The following APP variants were observed in gnomAD, a reference collection of about 807,000 sequenced individuals.
APP encodes amyloid beta precursor protein, also known as amyloid-beta precursor protein.
Under a neutral mutation model 101.4 loss-of-function variants are expected in APP, and 31 were observed. The observed-to-expected ratio is 0.31, with a 90% CI of 0.23 to 0.41. The LOEUF (loss-of-function observed/expected upper bound fraction) is 0.41, where lower values mean the gene tolerates loss of function less well. Among genes scored for constraint, APP ranks in the 10% least tolerant of loss-of-function variants. The pLI is 1.00. For missense variants in APP, 839 were observed against 1,003.7 expected, an observed-to-expected ratio of 0.84 and a Z score of 2.22; for synonymous variants, 366 against 364.4, an observed-to-expected ratio of 1.00 and a Z score of -0.05.
intron 13 of APP, among the ~76,000 whole-genome samples, chr21:25,935,972 G>A (rs535932953): frequency 6.6e-6 from 1 of 151,990 alleles, no homozygotes; most frequent in East Asian, 1.9e-4. Context: ...TCGTTTTAAT[G>A]CCTTAGGTGC....
At chr21:26,109,431 G>A (rs1358570654) in intron 2 of APP, among the ~76,000 whole-genome samples, 1 of 152,136 alleles carries the variant, frequency 6.6e-6, no homozygotes, top group Non-Finnish European at 1.5e-5. Flanking sequence ...TCTCTTTCTT[G>A]CTCTGGCCAT....
intron 5 of APP, among the ~76,000 whole-genome samples, chr21:26,050,488 G>C (rs762653805): frequency 3.3e-5 from 5 of 151,798 alleles, no homozygotes; most frequent in Non-Finnish European, 7.4e-5. Flanking sequence ...ATCAAAGGTA[G>C]TTAAAAAAAA....
At chr21:26,170,842 G>A, upstream of APP, 1 of 475,084 alleles carries the variant, frequency 2.1e-6, no homozygotes, top group Non-Finnish European at 3.6e-6. Flanking sequence ...CTCGGCACCC[G>A]AGAGAGACCC....
chr21:25,947,768 C>A (rs2040886745), intron 13 of APP, among the ~76,000 whole-genome samples: 1 of 151,934 alleles, frequency 6.6e-6, no homozygotes, highest in East Asian at 1.9e-4. Flanking sequence ...TTTGGGGGGC[C>A]AAGATGGGCA....
At position 25,972,742 on chromosome 21, in the gene APP, T is replaced by C. The variant is rs115681121; in HGVS notation, c.1458+2328A>G. Among the ~76,000 whole-genome samples, 809 of 151,884 alleles carry C rather than the reference T, an allele frequency of 5.3e-3. 8 individuals carry two copies. The highest frequency in any genetic ancestry group is 0.019 in the African/African-American group (783 of 41,402). The stretch of plus-strand genomic sequence containing the variant: ...GGAAATCTCTCAGGCAGAAGGAAAA[T>C]GATACCAGCTGGATCTGCGCAAAGA... On this transcript the variant is annotated intron_variant, in intron 11 of 17. Coordinates refer to ENST00000346798, the MANE Select transcript of APP (RefSeq NM_000484.4).
At chr21:25,886,612 C>T (rs561385112) in intron 17 of APP, among the ~76,000 whole-genome samples, 2 of 152,234 alleles carry the variant, frequency 1.3e-5, no homozygotes, top group African/African-American at 4.8e-5. Flanking sequence ...CCAGGCTGGA[C>T]TCGAACTCCT....
chr21:26,046,537 T>G (rs1336886806), intron 5 of APP, among the ~76,000 whole-genome samples: 1 of 151,510 alleles, frequency 6.6e-6, no homozygotes, highest in Non-Finnish European at 1.5e-5. Context: ...AAAAAAAATG[T>G]TCAAAGAAAT....
intron 3 of APP, among the ~76,000 whole-genome samples, chr21:26,057,195 T>C (rs375565653): frequency 1.3e-5 from 2 of 152,214 alleles, no homozygotes; most frequent in East Asian, 3.9e-4. Context: ...CAGCCACGTA[T>C]ACCTTATTTT....
chr21:25,976,298 T>C (rs567711610), intron 9 of APP, among the ~76,000 whole-genome samples: 4 of 152,092 alleles, frequency 2.6e-5, no homozygotes, highest in Admixed American at 1.3e-4. Flanking sequence ...CCCCGAGAAC[T>C]GACAGTCATT....
At chr21:26,005,577 G>T (rs1200565897) in intron 6 of APP, among the ~76,000 whole-genome samples, 1 of 152,160 alleles carries the variant, frequency 6.6e-6, no homozygotes, top group Non-Finnish European at 1.5e-5. Context: ...ATTAGTAAGA[G>T]ATCTAACCAA....
At chr21:26,062,952 T>C (rs1032761146) in intron 3 of APP, among the ~76,000 whole-genome samples, 5 of 151,950 alleles carry the variant, frequency 3.3e-5, no homozygotes, top group Non-Finnish European at 5.9e-5. Flanking sequence ...TTAGTAGACA[T>C]GGGGTTATGC....
intron 3 of APP, among the ~76,000 whole-genome samples, chr21:26,073,553 A>G (rs917055449): frequency 1.3e-5 from 2 of 152,206 alleles, no homozygotes; most frequent in Admixed American, 6.5e-5. Flanking sequence ...ATAAAGAAGC[A>G]TATCTGTGAA....
At chr21:25,906,495 C>A (rs1276148182) in intron 14 of APP, among the ~76,000 whole-genome samples, 1 of 152,232 alleles carries the variant, frequency 6.6e-6, no homozygotes, top group African/African-American at 2.4e-5. Context: ...CTACCAGATA[C>A]TACAGAACTG....
chr21:26,121,685 A>G (rs2062574688), intron 1 of APP, among the ~76,000 whole-genome samples: 1 of 152,224 alleles, frequency 6.6e-6, no homozygotes, highest in South Asian at 2.1e-4. Flanking sequence ...TCATCACTAA[A>G]TAACGACACA....
rs1005212439 is a variant in APP at position 25,950,369 on chromosome 21, CT to C, written c.1687+4220del. Among the ~76,000 whole-genome samples the C allele has an allele frequency of 5.1e-3, 721 of 140,792 alleles. 9 individuals carry two copies. The highest frequency in any genetic ancestry group is 3.9e-3 in the Non-Finnish European group (253 of 64,728). 92.4% of individuals were successfully genotyped at this position (140,792 alleles called of 152,430 possible). A position where few individuals can be genotyped will look rare whatever the true frequency, so the allele number is the denominator to read the frequency against. On this transcript the variant is annotated intron_variant, in intron 13 of 17. Transcript: ENST00000346798. ...TCAAGCAAGGAAAAACCACAAGCAG[CT>C]TTTTTTTTTTCTTTTTTTTTTTTTT...
At chr21:26,025,694 T>C (rs1352773141) in intron 5 of APP, among the ~76,000 whole-genome samples, 1 of 152,192 alleles carries the variant, frequency 6.6e-6, no homozygotes, top group African/African-American at 2.4e-5. Context: ...CCATCATCCA[T>C]CCCTGCATCT....
At chr21:25,894,201 T>C (rs1259498313) in intron 16 of APP, among the ~76,000 whole-genome samples, 1 of 152,196 alleles carries the variant, frequency 6.6e-6, no homozygotes, top group Non-Finnish European at 1.5e-5. Flanking sequence ...CCAAGAGCTC[T>C]GAAGGACAGG....
intron 14 of APP, among the ~76,000 whole-genome samples, chr21:25,908,461 A>G (rs1016221826): frequency 2.6e-5 from 4 of 152,240 alleles, no homozygotes; most frequent in South Asian, 4.1e-4. Context: ...AATTTTAGAT[A>G]TTTTCAGTAG....
At chr21:26,093,282 G>A (rs1248583785) in intron 2 of APP, among the ~76,000 whole-genome samples, 1 of 152,130 alleles carries the variant, frequency 6.6e-6, no homozygotes, top group Non-Finnish European at 1.5e-5. Context: ...TATGACACCT[G>A]AGAGTCCACC....
Sources: allele counts gnomAD v4.1 joint callset (sites outside exome capture counted in the v4.1 genomes callset), GRCh38; gene constraint gnomAD v4.1.1; transcripts MANE v1.5; gene names NCBI Gene and HGNC (gene_info 2026-07-23, HGNC 2026-07-21).